VPS41: variants seen among roughly 807,000 people sequenced by gnomAD.
The protein encoded by VPS41 is vacuolar protein sorting-associated protein 41 homolog.
In VPS41, 85 loss-of-function variants were observed where a neutral mutation model predicts 130.9. The ratio of observed to expected loss-of-function variants is 0.65; its 90% CI spans 0.55 to 0.78. The LOEUF (loss-of-function observed/expected upper bound fraction) is 0.78, where lower values mean the gene tolerates loss of function less well. Ranked by LOEUF, VPS41 falls within the 30% of genes least tolerant of loss-of-function variation. The pLI, the probability that VPS41 is intolerant of heterozygous loss-of-function variation, is 0.00. For missense variants in VPS41, 874 were observed against 1,018.7 expected (o/e 0.86, Z 1.93); for synonymous variants, 335 against 332.9 (o/e 1.01, Z -0.07).
At chr7:38,849,834 C>T (rs570684178) in intron 4 of VPS41, among the ~76,000 whole-genome samples, 1 of 152,140 alleles carries the variant, frequency 6.6e-6, no homozygotes, top group African/African-American at 2.4e-5. Flanking sequence ...GAATTCCTGT[C>T]CTCACCTGGG....
chr7:38,775,153 T>C (rs1003015138), intron 11 of VPS41: 2 of 152,170 alleles, frequency 1.3e-5, no homozygotes, highest in Admixed American at 6.5e-5. Context: ...AAACCACCTT[T>C]TCAGTATGAA....
chr7:38,897,144 A>G (rs564500430), intron 2 of VPS41, among the ~76,000 whole-genome samples: 1 of 145,884 alleles, frequency 6.9e-6, no homozygotes, highest in Non-Finnish European at 1.5e-5. Context: ...TAGTGAGCCC[A>G]GACTGCACCA....
chr7:38,810,143 A>G (rs1441483319), intron 7 of VPS41, among the ~76,000 whole-genome samples: 1 of 151,814 alleles, frequency 6.6e-6, no homozygotes, highest in Admixed American at 6.6e-5. Flanking sequence ...AATATGGAAT[A>G]AGCTTTTTAT....
chr7:38,733,949 A>G (rs4723783), intron 25 of VPS41, among the ~76,000 whole-genome samples: 1 of 151,960 alleles, frequency 6.6e-6, no homozygotes, highest in Non-Finnish European at 1.5e-5. Flanking sequence ...AGCCAGGCAT[A>G]GTGGCGCATG....
intron 7 of VPS41, among the ~76,000 whole-genome samples, chr7:38,811,579 A>G (rs888610832): frequency 1.3e-5 from 2 of 151,142 alleles, no homozygotes; most frequent in Non-Finnish European, 3.0e-5. Context: ...CACACTTTTA[A>G]AAGACTTGTT....
intron 21 of VPS41, among the ~76,000 whole-genome samples, chr7:38,753,346 A>G (rs1388850069): frequency 1.3e-5 from 2 of 152,006 alleles, no homozygotes; most frequent in African/African-American, 4.8e-5. Context: ...TAAGAAACCA[A>G]TCTTCAGGCT....
In VPS41 at chr7:38,773,478, G is replaced by A. The variant is rs547557235; in HGVS notation, c.1012+637C>T. Among the ~76,000 whole-genome samples the A allele has an allele frequency of 7.2e-5, 11 of 152,212 alleles. No homozygotes were observed. In the South Asian group the frequency reaches 1.9e-3, roughly 26 times the overall value. ...AGAACTGAAAATATTCTCAACAAAT[G>A]TCAATTGTGTTTAAAGTAGTACAGC... On this transcript the variant is annotated intron_variant, in intron 12 of 28. Transcript: ENST00000310301.
At chr7:38,733,521 C>T (rs909092721) in intron 25 of VPS41, among the ~76,000 whole-genome samples, 2 of 152,164 alleles carry the variant, frequency 1.3e-5, no homozygotes, top group African/African-American at 4.8e-5. Flanking sequence ...ATTATGTCCT[C>T]CTTCACACCA....
At chr7:38,813,927 T>C (rs1191981391) in intron 7 of VPS41, among the ~76,000 whole-genome samples, 1 of 152,190 alleles carries the variant, frequency 6.6e-6, no homozygotes, top group Non-Finnish European at 1.5e-5. Context: ...ATAGAACAGC[T>C]TGTCAAGTAG....
chr7:38,771,160 G>C (rs748350709), intron 14 of VPS41, 38 bp downstream of exon 14: 1 of 1,403,210 alleles, frequency 7.1e-7, no homozygotes, highest in East Asian at 2.3e-5. Context: ...CTTATTGAAA[G>C]ATAAAATTAT....
intron 4 of VPS41, among the ~76,000 whole-genome samples, chr7:38,854,853 A>G (rs78393377): frequency 4.3e-4 from 65 of 151,746 alleles, no homozygotes; most frequent in Non-Finnish European, 7.5e-4. Context: ...GAAGTGGAGA[A>G]AAAAAAAAAA....
intron 24 of VPS41, among the ~76,000 whole-genome samples, chr7:38,742,805 C>T (rs967876838): frequency 3.3e-5 from 5 of 151,060 alleles, no homozygotes; most frequent in African/African-American, 1.2e-4. Flanking sequence ...ATCACTACTG[C>T]TAGTTATTTT....
chr7:38,899,540 T>C (rs944702557), intron 1 of VPS41, among the ~76,000 whole-genome samples: 3 of 152,234 alleles, frequency 2.0e-5, no homozygotes, highest in African/African-American at 4.8e-5. Flanking sequence ...CTTGTGGACA[T>C]AGTCCACTTT....
At chr7:38,851,607 T>A (rs1785857266) in intron 4 of VPS41, among the ~76,000 whole-genome samples, 2 of 152,232 alleles carry the variant, frequency 1.3e-5, no homozygotes, top group South Asian at 4.1e-4. Flanking sequence ...TTGGGACTAT[T>A]ACAAATAAAA....
intron 7 of VPS41, among the ~76,000 whole-genome samples, chr7:38,809,405 C>A: frequency 6.8e-6 from 1 of 147,394 alleles, no homozygotes. Context: ...CTCAATAAAG[C>A]TAGAAAAAAA....
rs540375558 is a variant in VPS41, at chr7:38,891,888, A to G, written c.60+6203T>C. Among the ~76,000 whole-genome samples the G allele has an allele frequency of 4.8e-4, 73 of 152,262 alleles. 1 individual carries two copies. In the South Asian group the frequency reaches 0.013, roughly 28 times the overall value. On this transcript the variant is annotated intron_variant, in intron 2 of 28. Coordinates refer to ENST00000310301, the MANE Select transcript of VPS41 (RefSeq NM_014396.4). The stretch of plus-strand genomic sequence containing the variant: ...TGAATGCTCTTATAGCTAAATTTCT[A>G]AATACAGAAATGAGTATTTTTAAGG...
At chr7:38,800,501 T>C (rs1212482366) in intron 7 of VPS41, among the ~76,000 whole-genome samples, 3 of 152,128 alleles carry the variant, frequency 2.0e-5, no homozygotes, top group Non-Finnish European at 2.9e-5. Flanking sequence ...CAGGAAAACT[T>C]AGGGGAATAG....
intron 10 of VPS41, among the ~76,000 whole-genome samples, chr7:38,784,390 C>A (rs567507301): frequency 1.3e-5 from 2 of 152,270 alleles, no homozygotes; most frequent in Admixed American, 6.5e-5. Flanking sequence ...GTAATCCCAG[C>A]ATGTTGGGAG....
chr7:38,839,000 T>C (rs917329315), intron 4 of VPS41, among the ~76,000 whole-genome samples: 1 of 152,196 alleles, frequency 6.6e-6, no homozygotes, highest in African/African-American at 2.4e-5. Flanking sequence ...GACTAACAAA[T>C]GGATAATTGA....
Sources: allele counts gnomAD v4.1 joint callset (sites outside exome capture counted in the v4.1 genomes callset), GRCh38; gene constraint gnomAD v4.1.1; transcripts MANE v1.5; gene names NCBI Gene and HGNC (gene_info 2026-07-23, HGNC 2026-07-21).